RARB: variants seen among roughly 807,000 people sequenced by gnomAD.
RARB encodes the protein HBV-activated protein.
In RARB, 17 loss-of-function variants were observed where a neutral mutation model predicts 51.9. The ratio of observed to expected loss-of-function variants is 0.33; its 90% CI spans 0.22 to 0.49. The LOEUF (loss-of-function observed/expected upper bound fraction) is 0.49. RARB is among the 20% of genes least tolerant of loss of function. The probability of loss-of-function intolerance (pLI) is 0.99; values close to 1 mark genes in which losing one functional copy is unlikely to be tolerated. For missense variants in RARB, 369 were observed against 550.8 expected, an observed-to-expected ratio of 0.67 and a Z score of 3.30; for synonymous variants, 215 against 195.4, an observed-to-expected ratio of 1.10 and a Z score of -0.84.
chr3:25,244,135 T>G lies in RARB; in HGVS notation c.178+69560T>G, dbSNP rs527665934. Among the ~76,000 whole-genome samples, 66 of 152,298 alleles carry G rather than the reference T, an allele frequency of 4.3e-4. 2 individuals are homozygous for G. In the South Asian group the frequency reaches 0.013, roughly 30 times the overall value. On this transcript the variant is annotated intron_variant, in intron 5 of 11. Coordinates refer to the RARB transcript ENST00000383772. ...AGTATTCTCTGATAGTAGTTTGTGTTTCTGTGGGATCAGTGGTGATATCCC... is the reference window on the plus strand; with the variant it reads ...AGTATTCTCTGATAGTAGTTTGTGTGTCTGTGGGATCAGTGGTGATATCCC...
At chr3:25,561,614 G>A (rs994192954) in intron 3 of RARB, among the ~76,000 whole-genome samples, 2 of 151,832 alleles carry the variant, frequency 1.3e-5, no homozygotes, top group African/African-American at 2.4e-5. Flanking sequence ...CCTCTTTATG[G>A]TCTCTTGGGA....
At chr3:25,527,373 A>T (rs1401008856) in intron 3 of RARB, among the ~76,000 whole-genome samples, 1 of 152,226 alleles carries the variant, frequency 6.6e-6, no homozygotes, top group African/African-American at 2.4e-5. Context: ...AGGGAGACCT[A>T]GCTGGCGAGG....
intron 2 of RARB, among the ~76,000 whole-genome samples, chr3:25,475,514 A>G (rs1251491638): frequency 2.6e-5 from 4 of 152,362 alleles, no homozygotes; most frequent in South Asian, 4.1e-4. Flanking sequence ...TGACATTCCT[A>G]TAAGAATATA....
At chr3:24,908,688 T>TTAC (rs1553613049) in intron 2 of RARB, among the ~76,000 whole-genome samples, 1 of 131,354 alleles carries the variant, frequency 7.6e-6, no homozygotes, top group Non-Finnish European at 1.6e-5. Context: ...TTTTTTTTTT[T>TTAC]ACTAACCTAC....
intron 2 of RARB, among the ~76,000 whole-genome samples, chr3:25,018,190 A>C (rs1282247716): frequency 2.0e-5 from 3 of 152,238 alleles, no homozygotes; most frequent in Admixed American, 2.0e-4. Flanking sequence ...CATAATTACT[A>C]CAAACACAGA....
Position 25,167,451 on chromosome 3 carries a change from C to T in RARB, c.-279-6668C>T, listed in dbSNP as rs1467348617. Among the ~76,000 whole-genome samples, 11 of 152,092 alleles carry T rather than the reference C, an allele frequency of 7.2e-5. No homozygotes were observed. The East Asian group carries it at 1.7e-3, about 24-fold the overall frequency. ...AAATAAATGAACAAAGTACTGAAAG[C>T]AGATTGCTAGGTGTCTAAAGAAGAA... On this transcript the variant is annotated intron_variant, in intron 4 of 11. Coordinates refer to the RARB transcript ENST00000383772.
chr3:25,527,465 CA>C lies in RARB; in HGVS notation c.448+26148del, dbSNP rs1275558272. On this transcript the variant is annotated intron_variant, in intron 3 of 7. Transcript: ENST00000330688. ...AACCAATTTCCTTTAGGATAGAGGT[CA>C]AAAAAGCTGTGCTTTGAAATTAGTC... Among the ~76,000 whole-genome samples, 3 of 152,102 alleles carry C rather than the reference CA, an allele frequency of 2.0e-5. No homozygotes were observed. The East Asian group carries it at 5.8e-4, about 29-fold the overall frequency.
chr3:25,535,409 C>CT (rs1699098791), intron 3 of RARB, among the ~76,000 whole-genome samples: 5 of 128,732 alleles, frequency 3.9e-5, no homozygotes, highest in African/African-American at 1.5e-4. Context: ...GTGTCCTTAT[C>CT]TCTTTTTTTT....
In RARB at chr3:25,313,414, C is replaced by A. The variant is rs375454232; in HGVS notation, c.178+138839C>A. 2.6e-5 allele frequency among the ~76,000 whole-genome samples: 4 copies of A among 152,308 alleles called. No individual in the cohort carries two copies. In the East Asian group the frequency reaches 7.7e-4, roughly 29 times the overall value. ...ATTATCAGTACATTGGTGGCTTGAA[C>A]TGTAATGCTTATGCCTAATGTAGGA... On this transcript the variant is annotated intron_variant, in intron 5 of 11. Coordinates refer to the RARB transcript ENST00000383772.
intron 5 of RARB, among the ~76,000 whole-genome samples, chr3:25,235,939 C>A (rs998297736): frequency 6.6e-6 from 1 of 152,064 alleles, no homozygotes; most frequent in African/African-American, 2.4e-5. Flanking sequence ...TATTTTAAAT[C>A]AACTCTAGGA....
At chr3:25,153,653 T>C (rs943395829) in intron 4 of RARB, among the ~76,000 whole-genome samples, 1 of 152,202 alleles carries the variant, frequency 6.6e-6, no homozygotes, top group African/African-American at 2.4e-5. Flanking sequence ...TAGTTAAGAA[T>C]GCTGTTTTTC....
At chr3:25,011,030 TGGAATCAAGTTAACCTATATCTGTTCGA>T (rs1385251327) in intron 2 of RARB, among the ~76,000 whole-genome samples, 3 of 152,126 alleles carry the variant, frequency 2.0e-5, no homozygotes, top group Non-Finnish European at 4.4e-5. Flanking sequence ...CATTTTTAAA[TGGAATCAAGTTAACCTATATCTGTTCGA>T]TTGTTATTTG....
intron 3 of RARB, among the ~76,000 whole-genome samples, chr3:25,520,070 C>T (rs1473330505): frequency 6.6e-6 from 1 of 152,210 alleles, no homozygotes; most frequent in Non-Finnish European, 1.5e-5. Flanking sequence ...CATGCATTCA[C>T]TTATGTATTG....
chr3:25,284,319 G>A (rs1354536636), intron 5 of RARB, among the ~76,000 whole-genome samples: 1 of 152,168 alleles, frequency 6.6e-6, no homozygotes, highest in Non-Finnish European at 1.5e-5. Context: ...GGCCAGTTAA[G>A]CTAAGCCCAG....
intron 5 of RARB, among the ~76,000 whole-genome samples, chr3:25,198,921 A>T (rs1457145030): frequency 6.6e-6 from 1 of 152,152 alleles, no homozygotes; most frequent in South Asian, 2.1e-4. Flanking sequence ...CATATGATCC[A>T]GCAATCCCAC....
At chr3:25,465,744 T>C (rs992084734) in intron 2 of RARB, among the ~76,000 whole-genome samples, 2 of 152,126 alleles carry the variant, frequency 1.3e-5, no homozygotes, top group African/African-American at 4.8e-5. Context: ...ATGGCAGTTT[T>C]TGTGTAGGGG....
intron 5 of RARB, among the ~76,000 whole-genome samples, chr3:25,312,393 G>C (rs1704312277): frequency 6.6e-6 from 1 of 151,804 alleles, no homozygotes; most frequent in African/African-American, 2.4e-5. Context: ...CTAAGATTTT[G>C]AGAAGTTAAA....
chr3:25,480,436 C>T (rs536869049), intron 2 of RARB, among the ~76,000 whole-genome samples: 1 of 152,212 alleles, frequency 6.6e-6, no homozygotes, highest in Non-Finnish European at 1.5e-5. Flanking sequence ...TTCTCTTTCC[C>T]TTTCCCTTTA....
At chr3:24,913,035 C>T (rs1437804403) in intron 2 of RARB, among the ~76,000 whole-genome samples, 1 of 123,074 alleles carries the variant, frequency 8.1e-6, no homozygotes, top group Non-Finnish European at 1.6e-5. Context: ...GGCTGGAGTG[C>T]AGTGGCGCCT....
Sources: gnomAD v4.1 joint callset for allele counts (sites outside exome capture counted in the v4.1 genomes callset) on GRCh38, gnomAD v4.1.1 for gene constraint, MANE v1.5 for transcripts, NCBI Gene and HGNC (gene_info 2026-07-23, HGNC 2026-07-21) for gene names.